MCM3: variants seen among roughly 807,000 people sequenced by gnomAD.
The protein encoded by MCM3 is minichromosome maintenance complex component 3, also known as DNA replication licensing factor MCM3.
In MCM3, 59 loss-of-function variants were observed where a neutral mutation model predicts 91.3. The ratio of observed to expected loss-of-function variants is 0.65; its 90% confidence interval spans 0.52 to 0.80. MCM3 has a LOEUF of 0.80. Among genes scored for constraint, MCM3 ranks in the 30% least tolerant of loss-of-function variants. MCM3 has a pLI of 0.00. For missense variants in MCM3, 919 were observed against 1,035.4 expected (o/e 0.89, Z 1.54); for synonymous variants, 383 against 379.6 (o/e 1.01, Z -0.10).
intron 11 of MCM3, among the ~76,000 whole-genome samples, chr6:52,272,714 G>A (rs973424202): frequency 6.6e-6 from 1 of 152,204 alleles, no homozygotes; most frequent in Non-Finnish European, 1.5e-5. Context: ...ACAGCTCAGA[G>A]AAGCTCAAGT....
At chr6:52,265,583 AG>A (rs1764582107) in intron 16 of MCM3, among the ~76,000 whole-genome samples, 1 of 152,124 alleles carries the variant, frequency 6.6e-6, no homozygotes, top group Non-Finnish European at 1.5e-5. Context: ...AATTTTTTTC[AG>A]TAAATACACT....
At chr6:52,280,673 G>T (rs1420054237) in intron 4 of MCM3, among the ~76,000 whole-genome samples, 1 of 152,188 alleles carries the variant, frequency 6.6e-6, no homozygotes, top group African/African-American at 2.4e-5. Context: ...GTAATCAACA[G>T]AAGAGTACTT....
chr6:52,273,726 A>G lies in MCM3; in HGVS notation c.1549+16T>C, dbSNP rs771241781. 1 of 1,597,224 alleles carries G rather than the reference A, an allele frequency of 6.3e-7. No homozygotes were observed. The highest frequency in any genetic ancestry group is 1.7e-5 in the Admixed American group (1 of 58,450). ...CGCCTTTCCATTAGTTACTCTTACT[A>G]TTCTTATGGCCTCACCATCGCCATC... On this transcript the variant is annotated intron_variant, in intron 10 of 16. Coordinates refer to ENST00000596288, the MANE Select transcript of MCM3 (RefSeq NM_002388.6).
intron 6 of MCM3, 85 bp from the exon 7 acceptor site, chr6:52,277,773 A>C: frequency 7.6e-7 from 1 of 1,314,760 alleles, no homozygotes; most frequent in Non-Finnish European, 1.1e-6. Context: ...GGCCTATAGA[A>C]AATACTTGAA....
chr6:52,272,253 A>T (rs1243262144), intron 12 of MCM3, 48 bp downstream of exon 12: 4 of 1,560,784 alleles, frequency 2.6e-6, no homozygotes, highest in Non-Finnish European at 3.5e-6. Flanking sequence ...ACTCCTGCCC[A>T]GCCATATACC....
chr6:52,267,677 G>A lies in MCM3; in HGVS notation c.2072+188C>T, dbSNP rs1022116024. Among the ~76,000 whole-genome samples, 10 of 151,722 alleles carry A rather than the reference G, an allele frequency of 6.6e-5. No individual in the cohort carries two copies. The East Asian group carries it at 1.9e-3, about 29-fold the overall frequency. On this transcript the variant is annotated intron_variant, in intron 14 of 16. Coordinates refer to ENST00000596288, the MANE Select transcript of MCM3 (RefSeq NM_002388.6). ...CGAGCAGCTGGGACCACAAGTGTCC[G>A]CCACCACGCCCAGCTAATTTTTCTA...
chr6:52,267,823 TG>T lies in MCM3; in HGVS notation c.2072+41del, dbSNP rs143205322. ...TTACAGGCGTGCACCCCCAACTTCT[TG>T]GCCACTAACTTTTTAATCTCATTTG... On this transcript the variant is annotated intron_variant, in intron 14 of 16. Transcript: ENST00000596288. 1.2e-3 allele frequency: 918 copies of T among 789,366 alleles called. 10 individuals carry two copies. The African/African-American group carries it at 0.014, about 12-fold the overall frequency. The allele number at this position is 789,366 out of a possible 1,614,324, so 48.9% of individuals were successfully genotyped here.
At chr6:52,278,629 G>A (rs1765791944) in intron 6 of MCM3, 113 bp downstream of exon 6, 6 of 634,330 alleles carry the variant, frequency 9.5e-6, no homozygotes, top group Non-Finnish European at 1.3e-5. Flanking sequence ...AATAGAAAAA[G>A]CTAACACCAA....
At position 52,272,286 on chromosome 6, in the gene MCM3, C is replaced by G. The variant is rs372606712; in HGVS notation, c.1827+15G>C. 17 of 1,611,162 alleles carry G rather than the reference C, an allele frequency of 1.1e-5. No individual in the cohort carries two copies. The African/African-American group carries it at 2.1e-4, about 20-fold the overall frequency. On this transcript the variant is annotated intron_variant, in intron 12 of 16. Transcript: ENST00000596288. Reference sequence around the variant, plus strand: ...ACCTAAGGGACCCCAAGCCTAGGCTCCCCCAGGCACTCACCCTGGCGGTGT... The same window carrying G: ...ACCTAAGGGACCCCAAGCCTAGGCTGCCCCAGGCACTCACCCTGGCGGTGT...
Position 52,276,321 on chromosome 6 carries a change from G to A in MCM3, c.1321C>T (p.Arg441Trp), listed in dbSNP as rs151143995. The A allele has an allele frequency of 1.7e-4, 268 of 1,613,126 alleles. No homozygotes were observed. The highest frequency in any genetic ancestry group is 7.4e-4 in the Middle Eastern group (4 of 5,420). Residue 441 changes from arginine to tryptophan, a missense_variant, in exon 9 of 17, where the codon CGG (arginine) becomes TGG (tryptophan). Around this residue, in one of 3 missense-constraint regions of MCM3, gnomAD observed 233 missense variants for 321.2 expected, o/e 0.73. Coordinates refer to ENST00000596288, the MANE Select transcript of MCM3 (RefSeq NM_002388.6). ...AAAACACTGCAGCGGGCATTCAGCC[G>A]AGCATGGATGCCAGCCTTGGCAATG... The part of the protein sequence containing the change: ...VTIAKAGIHA[R>W]LNARCSVLAA...
At chr6:52,275,006 C>T (rs1413183818) in intron 9 of MCM3, among the ~76,000 whole-genome samples, 1 of 152,052 alleles carries the variant, frequency 6.6e-6, no homozygotes, top group Non-Finnish European at 1.5e-5. Context: ...TCAAGTGATC[C>T]TCCCACCTCA....
chr6:52,270,673 A>G (rs1765055583), intron 12 of MCM3, among the ~76,000 whole-genome samples: 1 of 152,130 alleles, frequency 6.6e-6, no homozygotes, highest in Non-Finnish European at 1.5e-5. Context: ...ACCCCACACT[A>G]AGACAATTAA....
At chr6:52,277,403 A>G in intron 7 of MCM3, 132 bp downstream of exon 7, 1 of 1,052,658 alleles carries the variant, frequency 9.5e-7, no homozygotes, top group Non-Finnish European at 1.4e-6. Flanking sequence ...AAAAAAAAAG[A>G]TTCATTTTAG....
chr6:52,265,746 CT>C (rs1764594546), intron 16 of MCM3, among the ~76,000 whole-genome samples: 1 of 151,950 alleles, frequency 6.6e-6, no homozygotes, highest in Admixed American at 6.6e-5. Context: ...CAAAATGTAT[CT>C]ATCCCACCAA....
chr6:52,277,478 G>A, intron 7 of MCM3, 57 bp downstream of exon 7: 1 of 1,516,782 alleles, frequency 6.6e-7, no homozygotes, highest in Non-Finnish European at 9.0e-7. Context: ...ACATATTATA[G>A]GTCTCCACAA....
Position 52,276,134 on chromosome 6 carries a change from TAAC to T in MCM3, c.1374+131_1374+133del. ...GAACACTGCTCTAAACAAAGGACAA[TAAC>T]AAGAAAATGGCCTTACTTTTAGTCT... On this transcript the variant is annotated intron_variant, in intron 9 of 16. Coordinates refer to ENST00000596288, the MANE Select transcript of MCM3 (RefSeq NM_002388.6). The T allele has an allele frequency of 6.6e-6, 5 of 761,548 alleles. No individual in the cohort carries two copies. In the South Asian group the frequency reaches 9.0e-5, roughly 14 times the overall value. The allele number at this position is 761,548 out of a possible 1,614,324, so 47.2% of individuals were successfully genotyped here.
At chr6:52,279,283 T>C (rs2073036) in intron 5 of MCM3, 78 bp downstream of exon 5, 579,974 of 1,266,240 alleles carry the variant, frequency 0.46, 140,087 homozygotes, top group Middle Eastern at 0.5. Context: ...CTCTGGAATA[T>C]GGCAAACTGG....
chr6:52,267,995 C>T (rs1430126302), intron 13 of MCM3, 27 bp from the exon 14 acceptor site: 3 of 1,613,874 alleles, frequency 1.9e-6, no homozygotes, highest in Non-Finnish European at 2.5e-6. Flanking sequence ...TGTGGCTGGG[C>T]TAGAGGGGTC....
chr6:52,269,359 T>A, intron 12 of MCM3, 133 bp from the exon 13 acceptor site: 1 of 713,198 alleles, frequency 1.4e-6, no homozygotes, highest in Non-Finnish European at 2.3e-6. Flanking sequence ...AGTTCTGTGT[T>A]CTCTACAGAT....
Sources: allele counts gnomAD v4.1 joint callset (sites outside exome capture counted in the v4.1 genomes callset), GRCh38; gene constraint gnomAD v4.1.1; regional missense constraint gnomAD v4.1.1; transcripts MANE v1.5; gene names NCBI Gene and HGNC (gene_info 2026-07-23, HGNC 2026-07-21).